WWC2: variants seen among roughly 807,000 people sequenced by gnomAD.
WWC2 encodes WW and C2 domain containing 2.
In WWC2, 101 loss-of-function variants were observed where a neutral mutation model predicts 138.5. The ratio of observed to expected loss-of-function variants is 0.73; its 90% CI spans 0.62 to 0.86. The LOEUF (loss-of-function observed/expected upper bound fraction) is 0.86, where lower values mean the gene tolerates loss of function less well. Among genes scored for constraint, WWC2 ranks in the 40% least tolerant of loss-of-function variants. The probability of loss-of-function intolerance (pLI) is 0.00; values close to 1 mark genes in which losing one functional copy is unlikely to be tolerated. For missense variants in WWC2, 1,420 were observed against 1,419.4 expected (o/e 1.00, Z -0.01); for synonymous variants, 558 against 538.4 (o/e 1.04, Z -0.50).
chr4:183,184,770 T>G (rs6856341), intron 1 of WWC2, among the ~76,000 whole-genome samples: 149,662 of 152,272 alleles, frequency 0.98, 73,596 homozygotes, highest in Middle Eastern at 1. Context: ...TTATATAAGT[T>G]AGAAAATGAA....
chr4:183,112,087 A>G (rs1357386535), intron 1 of WWC2, among the ~76,000 whole-genome samples: 2 of 152,360 alleles, frequency 1.3e-5, no homozygotes, highest in East Asian at 1.9e-4. Context: ...CAGCATGACT[A>G]GAAACCAGTA....
chr4:183,288,884 G>C (rs541162231), intron 20 of WWC2, among the ~76,000 whole-genome samples: 1 of 152,298 alleles, frequency 6.6e-6, no homozygotes, highest in African/African-American at 2.4e-5. Context: ...GACATGGTAG[G>C]AGTTATGTGT....
At chr4:183,141,295 T>G (rs1733292277) in intron 1 of WWC2, among the ~76,000 whole-genome samples, 1 of 152,164 alleles carries the variant, frequency 6.6e-6, no homozygotes, top group African/African-American at 2.4e-5. Context: ...CACATGGCCT[T>G]TCTCACCATG....
At chr4:183,135,000 T>C (rs1191739328) in intron 1 of WWC2, among the ~76,000 whole-genome samples, 2 of 152,112 alleles carry the variant, frequency 1.3e-5, no homozygotes, top group Admixed American at 1.3e-4. Context: ...GGCACGATCT[T>C]GGCTCACTGC....
rs1485052779 is a variant in WWC2 at position 183,282,715 on chromosome 4, A to G, written c.2692A>G (p.Met898Val). 4 of 1,568,010 alleles carry G rather than the reference A, an allele frequency of 2.6e-6. No homozygotes were observed. Among genetic ancestry groups the G allele is most frequent in the African/African-American group, 2.7e-5 (2 of 73,884 alleles). The change falls in exon 18 of 23, where the codon ATG becomes GTG. Residue 898 changes from methionine (M) to valine (V), a missense_variant. Coordinates refer to ENST00000403733, the MANE Select transcript of WWC2 (RefSeq NM_024949.6). ...GTTTTTGTTTTACCATAGGCTAACA[A>G]TGCTAAGAGAGGCCTCTGATGAAAT... ...PRGPDGDWLTMLREASDEIVA... is the reference protein window; with the variant it reads ...PRGPDGDWLTVLREASDEIVA...
chr4:183,193,522 G>C (rs541815931), intron 1 of WWC2, 77 bp from the exon 2 acceptor site: 2 of 1,242,886 alleles, frequency 1.6e-6, no homozygotes, highest in South Asian at 2.6e-5. Context: ...CTAGACACTT[G>C]TGGTTAGGGT....
At chr4:183,198,789 TAAAAA>T (rs56182831) in intron 2 of WWC2, among the ~76,000 whole-genome samples, 13 of 72,342 alleles carry the variant, frequency 1.8e-4, no homozygotes, top group African/African-American at 4.7e-4. Context: ...CTCGTCTCTT[TAAAAA>T]AAAAAAAAAA....
rs145212048 is a variant in WWC2, at chr4:183,105,241, T to C, written c.131+5619T>C. Among the ~76,000 whole-genome samples, 437 of 152,256 alleles carry C rather than the reference T, an allele frequency of 2.9e-3. 1 individual carries two copies. Among genetic ancestry groups the C allele is most frequent in the African/African-American group, 0.01 (419 of 41,504 alleles). On this transcript the variant is annotated intron_variant, in intron 1 of 22. Transcript: ENST00000403733. ...TGCAAATCCCTAAGCTTCATCTACA[T>C]AGTCAGCCATTGTGACATGTGGCCT...
At chr4:183,239,585 G>C (rs565165548) in intron 4 of WWC2, among the ~76,000 whole-genome samples, 150 of 152,282 alleles carry the variant, frequency 9.9e-4, no homozygotes, top group African/African-American at 3.4e-3. Flanking sequence ...CAGCTGGTGG[G>C]TTGCAGCTTA....
chr4:183,109,689 C>T (rs1019051081), intron 1 of WWC2, among the ~76,000 whole-genome samples: 9 of 152,160 alleles, frequency 5.9e-5, no homozygotes, highest in Non-Finnish European at 1.0e-4. Context: ...TCCTTCTGTG[C>T]GGCCCAGTTC....
intron 1 of WWC2, among the ~76,000 whole-genome samples, chr4:183,111,651 T>G (rs927526163): frequency 6.6e-6 from 1 of 152,098 alleles, no homozygotes; most frequent in African/African-American, 2.4e-5. Context: ...ATCTGCTGCT[T>G]ATCAGTGTTT....
chr4:183,218,360 A>G (rs1018125181), intron 4 of WWC2, among the ~76,000 whole-genome samples: 2 of 151,864 alleles, frequency 1.3e-5, no homozygotes, highest in African/African-American at 4.8e-5. Context: ...AAAAAAAAAC[A>G]ACTGACTAAC....
At position 183,284,230 on chromosome 4, in the gene WWC2, A is replaced by G. The variant is rs764748331; in HGVS notation, c.2888A>G (p.Asp963Gly). 46 of 1,613,386 alleles carry G rather than the reference A, an allele frequency of 2.9e-5. No homozygotes were observed. The highest frequency in any genetic ancestry group is 3.7e-5 in the Non-Finnish European group (44 of 1,179,514). Residue 963 changes from aspartate to glycine, a missense_variant, in exon 19 of 23, where the codon GAC becomes GGC. Asp to Gly is a moderately conservative substitution (Grantham distance 94). Transcript: ENST00000403733. Reference sequence around the variant, plus strand: ...AATTGTTAACTTCTCTTATAGGTTGACAAAGAGACAAACACTGATGAAGCC... The same window carrying G: ...AATTGTTAACTTCTCTTATAGGTTGGCAAAGAGACAAACACTGATGAAGCC... ...QPPTRIPTLV[D>G]KETNTDEAAN...
chr4:183,151,362 C>A (rs1189230798), intron 1 of WWC2, among the ~76,000 whole-genome samples: 2 of 152,158 alleles, frequency 1.3e-5, no homozygotes, highest in Non-Finnish European at 1.5e-5. Flanking sequence ...TGTTTATATC[C>A]TTTGCCCACT....
chr4:183,146,149 G>T (rs945674092), intron 1 of WWC2, among the ~76,000 whole-genome samples: 1 of 152,194 alleles, frequency 6.6e-6, no homozygotes, highest in Non-Finnish European at 1.5e-5. Flanking sequence ...CCAGAATGGT[G>T]GTCCCAGTCC....
rs544421553 is a variant in WWC2, at chr4:183,319,606, G to A, written c.*3877G>A. The A allele has an allele frequency of 3.2e-4, 519 of 1,613,860 alleles. 7 individuals carry two copies. In the South Asian group the frequency reaches 5.3e-3, roughly 17 times the overall value. ...GTCTCCAGTTCTTGATGATGATCTTGTGTTTGTGCCACTGCGTAGTGGCCC... is the reference window on the plus strand; with the variant it reads ...GTCTCCAGTTCTTGATGATGATCTTATGTTTGTGCCACTGCGTAGTGGCCC... On this transcript the variant is annotated 3_prime_UTR_variant, in exon 23 of 23. Coordinates refer to ENST00000403733, the MANE Select transcript of WWC2 (RefSeq NM_024949.6).
chr4:183,164,074 A>T (rs1734036003), intron 1 of WWC2, among the ~76,000 whole-genome samples: 1 of 151,732 alleles, frequency 6.6e-6, no homozygotes, highest in Non-Finnish European at 1.5e-5. Flanking sequence ...CTGAAATTAA[A>T]ATTGTCTCTT....
intron 1 of WWC2, among the ~76,000 whole-genome samples, chr4:183,115,166 C>A (rs762927287): frequency 2.6e-5 from 4 of 152,116 alleles, no homozygotes; most frequent in African/African-American, 4.8e-5. Context: ...AGGATAATGG[C>A]CTACAGTTCC....
chr4:183,214,160 C>T (rs1735683727), intron 4 of WWC2, among the ~76,000 whole-genome samples: 1 of 146,536 alleles, frequency 6.8e-6, no homozygotes, highest in Admixed American at 6.6e-5. Flanking sequence ...AGAACAAAGA[C>T]CCCTTTGGTT....
Sources: allele counts gnomAD v4.1 joint callset (sites outside exome capture counted in the v4.1 genomes callset), GRCh38; gene constraint gnomAD v4.1.1; transcripts MANE v1.5; gene names NCBI Gene and HGNC (gene_info 2026-07-23, HGNC 2026-07-21).